Variants in CACNG3 observed in about 807,000 individuals in gnomAD.
The protein encoded by CACNG3 is voltage-dependent calcium channel gamma-3 subunit.
CACNG3 carries 3 observed loss-of-function variants against 28.5 expected under a neutral mutation model. The observed-to-expected ratio is 0.11, with a 90% CI of 0.05 to 0.27. CACNG3 has a LOEUF of 0.27. CACNG3 is among the 10% of genes least tolerant of loss of function. The pLI is 1.00. For synonymous variants in CACNG3, 174 were observed against 162.2 expected, an observed-to-expected ratio of 1.07 and a Z score of -0.55; for missense variants, 236 against 414.4, an observed-to-expected ratio of 0.57 and a Z score of 3.74.
rs193273546 is a variant in CACNG3 at position 24,290,708 on chromosome 16, G to A, written c.211+33743G>A. ...CCTACCTTGGCCTCCCAAAGTGCTG[G>A]GATTACAGGTGTGAGCCACTACACC... On this transcript the variant is annotated intron_variant, in intron 1 of 3. Transcript: ENST00000005284. Among the ~76,000 whole-genome samples, 668 of 152,178 alleles carry A rather than the reference G, an allele frequency of 4.4e-3. 4 individuals are homozygous for A. The highest frequency in any genetic ancestry group is 7.4e-3 in the Admixed American group (113 of 15,280).
chr16:24,320,166 G>A (rs1341260746), intron 1 of CACNG3, among the ~76,000 whole-genome samples: 5 of 152,178 alleles, frequency 3.3e-5, no homozygotes, highest in African/African-American at 4.8e-5. Flanking sequence ...TGGGGAATGC[G>A]TGATCTGCTG....
At chr16:24,330,488 C>T (rs56181736) in intron 1 of CACNG3, among the ~76,000 whole-genome samples, 20,000 of 152,212 alleles carry the variant, frequency 0.13, 1,702 homozygotes, top group Non-Finnish European at 0.18. Flanking sequence ...GGCTGGAGCA[C>T]CTCCTGAGGT....
rs542021814 is a variant in CACNG3, at chr16:24,306,999, G to C, written c.212-39735G>C. On this transcript the variant is annotated intron_variant, in intron 1 of 3. Coordinates refer to ENST00000005284, the MANE Select transcript of CACNG3 (RefSeq NM_006539.4). ...CTCCGGGTACTGCTCTCAGCACAAA[G>C]GAGCTGCCTCAGCCAAGGTCACACC... Among the ~76,000 whole-genome samples, 3 of 152,264 alleles carry C rather than the reference G, an allele frequency of 2.0e-5. No homozygotes were observed. The East Asian group carries it at 5.8e-4, about 29-fold the overall frequency.
intron 3 of CACNG3, among the ~76,000 whole-genome samples, chr16:24,356,710 C>G (rs1293864382): frequency 6.6e-6 from 1 of 151,688 alleles, no homozygotes; most frequent in Non-Finnish European, 1.5e-5. Context: ...TCAAAATAGT[C>G]GTAATCATAA....
intron 1 of CACNG3, among the ~76,000 whole-genome samples, chr16:24,286,795 T>C (rs1198148121): frequency 6.6e-6 from 1 of 152,216 alleles, no homozygotes; most frequent in African/African-American, 2.4e-5. Context: ...GTGGTATAGC[T>C]GGGATTTGAT....
chr16:24,286,983 C>G (rs966153844), intron 1 of CACNG3, among the ~76,000 whole-genome samples: 1 of 152,206 alleles, frequency 6.6e-6, no homozygotes, highest in African/African-American at 2.4e-5. Context: ...CCAGGAAGTA[C>G]CTTCCCTATT....
At chr16:24,301,104 G>C (rs1018609703) in intron 1 of CACNG3, among the ~76,000 whole-genome samples, 3 of 149,412 alleles carry the variant, frequency 2.0e-5, no homozygotes, top group Non-Finnish European at 4.4e-5. Context: ...CCAGCTACTC[G>C]AGAGGCTGAG....
chr16:24,319,993 A>G (rs1899435746), intron 1 of CACNG3, among the ~76,000 whole-genome samples: 1 of 152,052 alleles, frequency 6.6e-6, no homozygotes, highest in Non-Finnish European at 1.5e-5. Context: ...CTGGTCTCGA[A>G]CTCCTAACCA....
intron 1 of CACNG3, among the ~76,000 whole-genome samples, chr16:24,299,510 A>G (rs1244176232): frequency 1.3e-5 from 2 of 152,206 alleles, no homozygotes; most frequent in African/African-American, 4.8e-5. Flanking sequence ...GGAGAATGGT[A>G]TTAGAAACCA....
At chr16:24,274,199 AAC>A (rs1898725194) in intron 1 of CACNG3, among the ~76,000 whole-genome samples, 5 of 145,474 alleles carry the variant, frequency 3.4e-5, no homozygotes, top group Admixed American at 1.4e-4. Context: ...AAAAAAAAAA[AAC>A]AAAAAAAAAA....
intron 1 of CACNG3, among the ~76,000 whole-genome samples, chr16:24,327,226 T>C (rs184993371): frequency 7.0e-6 from 1 of 142,510 alleles, no homozygotes; most frequent in Non-Finnish European, 1.5e-5. Context: ...AAGGAGAGTC[T>C]CAGGCAGTGA....
chr16:24,324,877 G>C (rs1324955241), intron 1 of CACNG3, among the ~76,000 whole-genome samples: 1 of 152,068 alleles, frequency 6.6e-6, no homozygotes. Context: ...CAAGGGGGCT[G>C]TTTCTTTCCG....
intron 3 of CACNG3, among the ~76,000 whole-genome samples, chr16:24,357,231 T>C (rs1900045076): frequency 1.1e-5 from 1 of 92,242 alleles, no homozygotes; most frequent in Admixed American, 1.3e-4. Context: ...ACACTCCATC[T>C]TAAAAAAAAA....
intron 1 of CACNG3, among the ~76,000 whole-genome samples, chr16:24,302,967 T>C (rs896438368): frequency 2.0e-5 from 3 of 152,084 alleles, no homozygotes; most frequent in Non-Finnish European, 4.4e-5. Context: ...ACCTAATTTT[T>C]TTTTTAAATA....
chr16:24,278,045 C>T (rs1340157415), intron 1 of CACNG3, among the ~76,000 whole-genome samples: 1 of 152,048 alleles, frequency 6.6e-6, no homozygotes, highest in Non-Finnish European at 1.5e-5. Flanking sequence ...GGTCAGGTCC[C>T]AGGTAGAAAC....
At chr16:24,351,757 A>AG (rs1899949744) in intron 2 of CACNG3, among the ~76,000 whole-genome samples, 1 of 141,740 alleles carries the variant, frequency 7.1e-6, no homozygotes, top group African/African-American at 2.7e-5. Flanking sequence ...GGAAGGAAGG[A>AG]AGAGAGAGAG....
chr16:24,290,867 T>C (rs576206149), intron 1 of CACNG3, among the ~76,000 whole-genome samples: 1 of 152,308 alleles, frequency 6.6e-6, no homozygotes, highest in East Asian at 1.9e-4. Context: ...CACACAACTT[T>C]CCTTGATACC....
intron 1 of CACNG3, among the ~76,000 whole-genome samples, chr16:24,301,620 A>C (rs1476539904): frequency 6.6e-6 from 1 of 152,136 alleles, no homozygotes; most frequent in African/African-American, 2.4e-5. Flanking sequence ...TTTCTGACTC[A>C]TGACTCTCCC....
intron 1 of CACNG3, among the ~76,000 whole-genome samples, chr16:24,279,671 T>C (rs539764901): frequency 2.6e-5 from 4 of 152,248 alleles, no homozygotes; most frequent in Non-Finnish European, 5.9e-5. Flanking sequence ...TAGAATCCTA[T>C]ATAAGGGAGA....
Sources: allele counts gnomAD v4.1 joint callset (sites outside exome capture counted in the v4.1 genomes callset), GRCh38; gene constraint gnomAD v4.1.1; transcripts MANE v1.5; gene names NCBI Gene and HGNC (gene_info 2026-07-23, HGNC 2026-07-21).